KLRG1: variants seen among roughly 807,000 people sequenced by gnomAD.
The protein encoded by KLRG1 is killer cell lectin like receptor G1.
In KLRG1, 16 loss-of-function variants were observed where a neutral mutation model predicts 21.8. That is an observed-to-expected ratio of 0.73 (90% CI 0.50 to 1.11). The LOEUF is 1.11. KLRG1 is among the 50% of genes most tolerant of loss of function. The pLI is 0.00. For synonymous variants in KLRG1, 69 were observed against 75.9 expected, an observed-to-expected ratio of 0.91 and a Z score of 0.47; for missense variants, 173 against 218.3, an observed-to-expected ratio of 0.79 and a Z score of 1.31.
chr12:9,068,033 C>T, the KLRG1 span: 1 of 1,029,960 alleles, frequency 9.7e-7, no homozygotes, highest in Non-Finnish European at 1.4e-6. Context: ...CAGCGGCCCT[C>T]TCCAATAAAT....
At chr12:9,031,415 G>A in the KLRG1 span, among the ~76,000 whole-genome samples, 1 of 152,240 alleles carries the variant, frequency 6.6e-6, no homozygotes, top group African/African-American at 2.4e-5. Flanking sequence ...GGCTCAGGAG[G>A]ACTTACCCGT....
At chr12:9,000,723 A>G (rs1020606278) in intron 3 of KLRG1, among the ~76,000 whole-genome samples, 1 of 152,224 alleles carries the variant, frequency 6.6e-6, no homozygotes, top group Non-Finnish European at 1.5e-5. Flanking sequence ...ATAACATTCT[A>G]TTATATGGAT....
chr12:8,992,052 A>G, intron 1 of KLRG1, 154 bp from the exon 2 acceptor site: 1 of 593,010 alleles, frequency 1.7e-6, no homozygotes, highest in Non-Finnish European at 3.0e-6. Context: ...CTTTAGAGCA[A>G]GTTCCTGACA....
the KLRG1 span, among the ~76,000 whole-genome samples, chr12:9,191,063 G>T: frequency 6.6e-6 from 1 of 152,128 alleles, no homozygotes; most frequent in Admixed American, 6.5e-5. Flanking sequence ...TCCAATTGTT[G>T]ACTCAGCTAC....
At chr12:9,158,715 C>A in the KLRG1 span, 9 of 637,784 alleles carry the variant, frequency 1.4e-5, no homozygotes, top group Middle Eastern at 4.2e-4. Flanking sequence ...GAGACTTTTT[C>A]TTTTTAGCTT....
At chr12:9,144,169 GAGAGAGAGAGAGAGAGAC>G in the KLRG1 span, among the ~76,000 whole-genome samples, 1 of 151,508 alleles carries the variant, frequency 6.6e-6, no homozygotes, top group Admixed American at 6.6e-5. Context: ...ATGAGGAAGA[GAGAGAGAGAGAGAGAGAC>G]AGAGAGAGAC....
chr12:9,203,754 A>G, the KLRG1 span: 10 of 1,613,790 alleles, frequency 6.2e-6, no homozygotes, highest in South Asian at 1.1e-4. Flanking sequence ...GCCAGCTGGC[A>G]CCGTAGCACT....
chr12:9,085,223 A>C, the KLRG1 span, among the ~76,000 whole-genome samples: 2 of 152,098 alleles, frequency 1.3e-5, no homozygotes, highest in African/African-American at 4.8e-5. Context: ...GCACACAAGA[A>C]ACATTCTCCA....
the KLRG1 span, among the ~76,000 whole-genome samples, chr12:9,016,559 C>A: frequency 6.6e-6 from 1 of 152,182 alleles, no homozygotes; most frequent in African/African-American, 2.4e-5. Flanking sequence ...GGCTTCACTG[C>A]TGAAATTTCC....
chr12:9,143,064 G>A, the KLRG1 span, among the ~76,000 whole-genome samples: 1 of 152,174 alleles, frequency 6.6e-6, no homozygotes, highest in African/African-American at 2.4e-5. Flanking sequence ...CTCATAGCTT[G>A]GACATCGATT....
chr12:9,114,927 A>G, the KLRG1 span, among the ~76,000 whole-genome samples: 1 of 152,220 alleles, frequency 6.6e-6, no homozygotes, highest in African/African-American at 2.4e-5. Flanking sequence ...TAAAATTAAA[A>G]TACTTTTGAA....
At chr12:9,162,383 A>G in the KLRG1 span, 2 of 521,432 alleles carry the variant, frequency 3.8e-6, no homozygotes, top group Admixed American at 3.7e-5. Flanking sequence ...AAGCCCAGGT[A>G]TTAGTCCTGT....
chr12:9,039,471 CT>C, the KLRG1 span, among the ~76,000 whole-genome samples: 6 of 151,946 alleles, frequency 3.9e-5, no homozygotes, highest in Non-Finnish European at 8.8e-5. Flanking sequence ...TTTTAAAAAA[CT>C]TTTTTTTCTG....
chr12:9,019,915 C>G, the KLRG1 span, among the ~76,000 whole-genome samples: 4 of 152,090 alleles, frequency 2.6e-5, no homozygotes, highest in Non-Finnish European at 4.4e-5. Context: ...CATCAGAAAA[C>G]TTTCTTGTCT....
At chr12:9,019,931 A>C in the KLRG1 span, among the ~76,000 whole-genome samples, 1 of 152,078 alleles carries the variant, frequency 6.6e-6, no homozygotes, top group African/African-American at 2.4e-5. Flanking sequence ...TGTCTCTGTT[A>C]ACAAAGTGTA....
chr12:9,157,580 A>G, the KLRG1 span, among the ~76,000 whole-genome samples: 6 of 152,364 alleles, frequency 3.9e-5, no homozygotes, highest in African/African-American at 1.4e-4. Context: ...GTTTTGATAC[A>G]TAGTCTATGG....
intron 3 of KLRG1, chr12:8,996,621 C>CT (rs1282807276): frequency 6.6e-6 from 1 of 152,174 alleles, no homozygotes; most frequent in East Asian, 1.9e-4. Context: ...CAAAGGAACA[C>CT]TTACTCCTTT....
chr12:9,025,338 A>C, the KLRG1 span, among the ~76,000 whole-genome samples: 1 of 152,142 alleles, frequency 6.6e-6, no homozygotes, highest in Admixed American at 6.6e-5. Flanking sequence ...GGAGAGATTA[A>C]AAATGCATGT....
chr12:9,108,328 A>G, the KLRG1 span, among the ~76,000 whole-genome samples: 7 of 151,874 alleles, frequency 4.6e-5, no homozygotes, highest in South Asian at 2.1e-4. Context: ...GGGTTTCACC[A>G]TGTTAGCCAG....
Sources: gnomAD v4.1 joint callset for allele counts (sites outside exome capture counted in the v4.1 genomes callset) on GRCh38, gnomAD v4.1.1 for gene constraint, MANE v1.5 for transcripts, NCBI Gene and HGNC (gene_info 2026-07-23, HGNC 2026-07-21) for gene names.